Variants in PPP1R9A observed in about 807,000 individuals in gnomAD.
PPP1R9A encodes the protein protein phosphatase 1 regulatory subunit 9A.
Under a neutral mutation model 141.9 loss-of-function variants are expected in PPP1R9A, and 59 were observed. That is an observed-to-expected ratio of 0.42 (90% confidence interval 0.34 to 0.52). PPP1R9A has a LOEUF of 0.52. Among genes scored for constraint, PPP1R9A ranks in the 20% least tolerant of loss-of-function variants. The pLI is 0.10. For synonymous variants in PPP1R9A, 500 were observed against 569.7 expected, an observed-to-expected ratio of 0.88 and a Z score of 1.74; for missense variants, 1,444 against 1,611.9, an observed-to-expected ratio of 0.90 and a Z score of 1.78.
intron 5 of PPP1R9A, among the ~76,000 whole-genome samples, chr7:95,184,468 T>C (rs1302980469): frequency 1.3e-5 from 2 of 152,190 alleles, no homozygotes; most frequent in African/African-American, 4.8e-5. Flanking sequence ...TTTCATTTTA[T>C]TTATTTATTT....
intron 8 of PPP1R9A, among the ~76,000 whole-genome samples, chr7:95,245,437 G>A (rs946033402): frequency 1.3e-5 from 2 of 152,138 alleles, no homozygotes; most frequent in African/African-American, 4.8e-5. Context: ...AGACCAGGTT[G>A]GCTGTCTTCT....
intron 5 of PPP1R9A, among the ~76,000 whole-genome samples, chr7:95,181,680 A>G (rs1833851979): frequency 7.5e-6 from 1 of 134,172 alleles, no homozygotes; most frequent in Non-Finnish European, 1.5e-5. Context: ...ATATATATAT[A>G]TTCCGTCACA....
In PPP1R9A at chr7:95,228,595, A is replaced by G. The variant is rs534484455; in HGVS notation, c.2112+2479A>G. On this transcript the variant is annotated intron_variant, in intron 8 of 19. Coordinates refer to ENST00000433360, the MANE Select transcript of PPP1R9A (RefSeq NM_001166160.2). ...TGCAATACTATTAGAATATACGTCA[A>G]TATTGATGAGCTAAGTCGCATCATT... is the stretch of plus-strand genomic sequence containing the variant. 7.9e-5 allele frequency among the ~76,000 whole-genome samples: 12 copies of G among 152,306 alleles called. No individual in the cohort carries two copies. The East Asian group carries it at 1.9e-3, about 24-fold the overall frequency.
intron 2 of PPP1R9A, among the ~76,000 whole-genome samples, chr7:95,016,877 C>T (rs116484143): frequency 8.5e-4 from 129 of 152,226 alleles, no homozygotes; most frequent in African/African-American, 2.9e-3. Context: ...GTCCTAACCT[C>T]TGGTACCTTT....
At chr7:94,994,308 A>T (rs1801885365) in intron 2 of PPP1R9A, among the ~76,000 whole-genome samples, 1 of 151,966 alleles carries the variant, frequency 6.6e-6, no homozygotes. Flanking sequence ...TCTTCAGGGG[A>T]GAAGGTGGGG....
intron 5 of PPP1R9A, among the ~76,000 whole-genome samples, chr7:95,194,536 C>G (rs1488258567): frequency 6.6e-6 from 1 of 151,822 alleles, no homozygotes; most frequent in Admixed American, 6.6e-5. Flanking sequence ...TGTATTTCTT[C>G]ATAGTAGATG....
intron 5 of PPP1R9A, among the ~76,000 whole-genome samples, chr7:95,187,574 G>C (rs1235398545): frequency 2.6e-5 from 4 of 151,896 alleles, no homozygotes; most frequent in African/African-American, 7.3e-5. Flanking sequence ...TCTTTCTCTA[G>C]TTCCTTGAGT....
intron 2 of PPP1R9A, among the ~76,000 whole-genome samples, chr7:95,109,879 G>A (rs1337173583): frequency 2.0e-5 from 3 of 151,416 alleles, no homozygotes; most frequent in Admixed American, 2.0e-4. Context: ...AAAAATATTA[G>A]CATGGGAAAC....
At chr7:95,019,491 T>C (rs1805591956) in intron 2 of PPP1R9A, among the ~76,000 whole-genome samples, 1 of 152,148 alleles carries the variant, frequency 6.6e-6, no homozygotes, top group Admixed American at 6.6e-5. Context: ...AGAAAACATT[T>C]CCAAAACATA....
At chr7:94,926,081 G>A (rs1793446931) in intron 2 of PPP1R9A, among the ~76,000 whole-genome samples, 1 of 152,120 alleles carries the variant, frequency 6.6e-6, no homozygotes, top group South Asian at 2.1e-4. Flanking sequence ...TCCCACCTCA[G>A]CCTCTAAAGT....
chr7:95,006,193 C>CTTATTTAT (rs71125097), intron 2 of PPP1R9A, among the ~76,000 whole-genome samples: 2,743 of 146,298 alleles, frequency 0.019, 74 homozygotes, highest in African/African-American at 0.054. Context: ...ATCTTAAGAA[C>CTTATTTAT]TTATTTATTT....
In PPP1R9A at chr7:94,910,198, G is replaced by T. The variant is rs1791296568; in HGVS notation, c.85G>T (p.Ala29Ser). 1.2e-6 allele frequency: 2 copies of T among 1,613,896 alleles called. No individual in the cohort carries two copies. The highest frequency in any genetic ancestry group is 1.3e-5 in the African/African-American group (1 of 74,874). ...GAATGCATATCGAACTGAGTTTCAG[G>T]CACTGAAAAGTACCTTTGACAAACC... is the stretch of plus-strand genomic sequence containing the variant. The part of the protein sequence containing the change: ...HRNAYRTEFQ[A>S]LKSTFDKPKS... Residue 29 changes from alanine to serine, a missense_variant, in exon 2 of 20, where the codon GCA becomes TCA. Physicochemically the swap from Ala to Ser is moderately conservative, Grantham distance 99. This residue lies in a region of PPP1R9A where 490 missense variants were observed against 521.1 expected (regional missense o/e 0.94). Coordinates refer to ENST00000433360, the MANE Select transcript of PPP1R9A (RefSeq NM_001166160.2). This position sits in a 1 kb window ranked among gnomAD's most constrained non-coding sequence, Gnocchi z 4.5.
chr7:95,141,595 T>C (rs1255469538), intron 4 of PPP1R9A, among the ~76,000 whole-genome samples: 1 of 151,880 alleles, frequency 6.6e-6, no homozygotes, highest in Non-Finnish European at 1.5e-5. Context: ...CTCCTGGCCA[T>C]TTCATGTAAA....
intron 2 of PPP1R9A, among the ~76,000 whole-genome samples, chr7:94,986,262 G>C (rs1800819981): frequency 1.3e-5 from 2 of 152,014 alleles, no homozygotes; most frequent in Non-Finnish European, 2.9e-5. Flanking sequence ...TTGACTTCAT[G>C]CTCTCTTATA....
At chr7:94,966,363 A>G (rs1399266960) in intron 2 of PPP1R9A, among the ~76,000 whole-genome samples, 1 of 152,052 alleles carries the variant, frequency 6.6e-6, no homozygotes. Flanking sequence ...GTTGAATAGG[A>G]GTGGTGAGAG....
At chr7:95,011,723 G>A (rs1183978286) in intron 2 of PPP1R9A, among the ~76,000 whole-genome samples, 1 of 152,096 alleles carries the variant, frequency 6.6e-6, no homozygotes, top group Non-Finnish European at 1.5e-5. Flanking sequence ...GCACTGGCTT[G>A]GAAAGGGAGC....
intron 2 of PPP1R9A, among the ~76,000 whole-genome samples, chr7:95,104,323 T>C (rs10266293): frequency 0.071 from 10,879 of 152,240 alleles, 508 homozygotes; most frequent in African/African-American, 0.13. Context: ...TGCAACTGCT[T>C]TAAGTAAACC....
intron 2 of PPP1R9A, among the ~76,000 whole-genome samples, chr7:94,985,113 A>G (rs180905541): frequency 3.1e-3 from 471 of 152,170 alleles, no homozygotes; most frequent in African/African-American, 0.011. Context: ...TCAGGAGCAG[A>G]TTGTTCAGTT....
intron 2 of PPP1R9A, chr7:95,037,080 C>T (rs947588226): frequency 6.6e-6 from 1 of 151,880 alleles, no homozygotes; most frequent in African/African-American, 2.4e-5. Flanking sequence ...CTGAAGTATT[C>T]GCATATTGTC....
Sources: allele counts gnomAD v4.1 joint callset (sites outside exome capture counted in the v4.1 genomes callset), GRCh38; gene constraint gnomAD v4.1.1; regional missense constraint gnomAD v4.1.1; non-coding constraint Gnocchi (gnomAD v3.1); transcripts MANE v1.5; gene names NCBI Gene and HGNC (gene_info 2026-07-23, HGNC 2026-07-21).